ATP6V0C: variants seen among roughly 807,000 people sequenced by gnomAD.
ATP6V0C encodes ATPase H+ transporting V0 subunit c.
Under a neutral mutation model 10.6 loss-of-function variants are expected in ATP6V0C, and 2 were observed. The ratio of observed to expected loss-of-function variants is 0.19; its 90% CI spans 0.08 to 0.59. The LOEUF is 0.59. Ranked by LOEUF, ATP6V0C falls within the 20% of genes least tolerant of loss-of-function variation. The pLI, the probability that ATP6V0C is intolerant of heterozygous loss-of-function variation, is 0.90. For missense variants in ATP6V0C, 89 were observed against 225.9 expected, an observed-to-expected ratio of 0.39 and a Z score of 3.88; for synonymous variants, 128 against 101.3, an observed-to-expected ratio of 1.26 and a Z score of -1.59.
rs769246919 is a variant in ATP6V0C at position 2,519,748 on chromosome 16, C to T, written c.*3C>T. Reference sequence around the variant, plus strand: ...CCCTCATCCTCTCCACAAAGTAGACCCTCTCCGAGCCCACCAGCCACAGAA... The same window carrying T: ...CCCTCATCCTCTCCACAAAGTAGACTCTCTCCGAGCCCACCAGCCACAGAA... On this transcript the variant is annotated 3_prime_UTR_variant, in exon 3 of 3. Coordinates refer to ENST00000330398, the MANE Select transcript of ATP6V0C (RefSeq NM_001694.4). 3.1e-6 allele frequency: 5 copies of T among 1,590,214 alleles called. No individual in the cohort carries two copies. The highest frequency in any genetic ancestry group is 2.2e-5 in the South Asian group (2 of 89,862).
At position 2,513,997 on chromosome 16, in the gene ATP6V0C, T is replaced by C. The variant is rs1377976331; in HGVS notation, c.-107T>C. 4 of 1,004,936 alleles carry C rather than the reference T, an allele frequency of 4.0e-6. No homozygotes were observed. The highest frequency in any genetic ancestry group is 5.8e-6 in the Non-Finnish European group (4 of 694,466). The allele number at this position is 1,004,936 out of a possible 1,614,324, so 62.3% of individuals were successfully genotyped here. ...AGAGCGCAGCGGCTGACGGGCCGGATCGCCTTCGCCGCCGCCCGCCCGCAA... is the reference window on the plus strand; with the variant it reads ...AGAGCGCAGCGGCTGACGGGCCGGACCGCCTTCGCCGCCGCCCGCCCGCAA... On this transcript the variant is annotated 5_prime_UTR_variant, in exon 1 of 3. Transcript: ENST00000330398.
In ATP6V0C at chr16:2,519,652, C is replaced by G. The variant is rs2065898468; in HGVS notation, c.375C>G (p.Pro125=). Residue 125 remains proline (P), a synonymous_variant, in exon 3 of 3, where the codon CCC becomes CCG. Transcript: ENST00000330398. ...GCGTGCGGGGCACCGCCCAGCAGCC[C>G]CGACTATTCGTGGGCATGATCCTGA... ...DAGVRGTAQQ[P]RLFVGMILIL... is the part of the protein sequence containing the mutation. The G allele has an allele frequency of 1.9e-6, 3 of 1,611,634 alleles. No homozygotes were observed. The highest frequency in any genetic ancestry group is 2.5e-6 in the Non-Finnish European group (3 of 1,178,214).
chr16:2,520,014 C>A lies in ATP6V0C; in HGVS notation c.*269C>A, dbSNP rs991943170. The A allele has an allele frequency of 4.4e-6, 3 of 684,522 alleles. No homozygotes were observed. In the South Asian group the frequency reaches 4.5e-5, roughly 10 times the overall value. 42.4% of individuals were successfully genotyped at this position (684,522 alleles called of 1,614,324 possible). On this transcript the variant is annotated 3_prime_UTR_variant, in exon 3 of 3. Transcript: ENST00000330398. ...GTGTATGCGGATGATTTAGAATTGTCATTTCTCTTTACTGGATGTTTATTT... is the reference window on the plus strand; with the variant it reads ...GTGTATGCGGATGATTTAGAATTGTAATTTCTCTTTACTGGATGTTTATTT...
At chr16:2,515,825 T>C (rs996724341) in intron 1 of ATP6V0C, among the ~76,000 whole-genome samples, 1 of 152,220 alleles carries the variant, frequency 6.6e-6, no homozygotes, top group Non-Finnish European at 1.5e-5. Context: ...TCCCCGCCCA[T>C]GTGGAACTTA....
chr16:2,516,467 C>T (rs1393352241), intron 1 of ATP6V0C, among the ~76,000 whole-genome samples: 1 of 152,198 alleles, frequency 6.6e-6, no homozygotes, highest in African/African-American at 2.4e-5. Flanking sequence ...GACCTGGCTT[C>T]ACCTGCTGTG....
At chr16:2,514,358 C>T (rs2141888817) in intron 1 of ATP6V0C, 176 bp downstream of exon 1, 2 of 506,330 alleles carry the variant, frequency 3.9e-6, no homozygotes, top group African/African-American at 2.1e-5. Context: ...GGGGAGCCGC[C>T]GGGGGTCCGG....
chr16:2,514,004 C>T lies in ATP6V0C; in HGVS notation c.-100C>T, dbSNP rs1196972121. On this transcript the variant is annotated 5_prime_UTR_variant, in exon 1 of 3. Coordinates refer to ENST00000330398, the MANE Select transcript of ATP6V0C (RefSeq NM_001694.4). ...AGCGGCTGACGGGCCGGATCGCCTTCGCCGCCGCCCGCCCGCAAACCTTCG... is the reference window on the plus strand; with the variant it reads ...AGCGGCTGACGGGCCGGATCGCCTTTGCCGCCGCCCGCCCGCAAACCTTCG... 6.2e-6 allele frequency: 7 copies of T among 1,132,518 alleles called. No individual in the cohort carries two copies. The highest frequency in any genetic ancestry group is 5.3e-5 in the Admixed American group (2 of 37,804). The allele number at this position is 1,132,518 out of a possible 1,614,324, so 70.2% of individuals were successfully genotyped here. A position where few individuals can be genotyped will look rare whatever the true frequency, so the allele number is the denominator to read the frequency against.
Position 2,517,725 on chromosome 16 carries a change from G to GTGTA in ATP6V0C, c.80-1490_80-1489insATGT, listed in dbSNP as rs2065884173. The GTGTA allele has an allele frequency of 2.7e-5, 4 of 149,620 alleles. No homozygotes were observed. The South Asian group carries it at 8.3e-4, about 31-fold the overall frequency. The allele number at this position is 149,620 out of a possible 1,614,324, so 9.3% of individuals were successfully genotyped here. ...CAGGTCAGGCTGTTTGTGTGTGTGT[G>GTGTA]TGTGTGTGTGTGTGTGTGTGTGTGT... is the stretch of plus-strand genomic sequence containing the variant. On this transcript the variant is annotated intron_variant, in intron 1 of 2. Coordinates refer to ENST00000330398, the MANE Select transcript of ATP6V0C (RefSeq NM_001694.4).
chr16:2,515,180 A>C (rs999796883), intron 1 of ATP6V0C, among the ~76,000 whole-genome samples: 4 of 151,852 alleles, frequency 2.6e-5, no homozygotes, highest in African/African-American at 9.7e-5. Context: ...ATTTAGTGAC[A>C]ATTGGTCTCC....
chr16:2,517,513 A>AC (rs1467215355), intron 1 of ATP6V0C: 3 of 151,476 alleles, frequency 2.0e-5, no homozygotes, highest in Non-Finnish European at 4.4e-5. Context: ...CTTCCCCAGC[A>AC]CCCCCTTCTC....
At chr16:2,513,830 A>C, upstream of ATP6V0C, 2 of 232,524 alleles carry the variant, frequency 8.6e-6, no homozygotes, top group Non-Finnish European at 8.3e-6. Context: ...CGGGCGGCAC[A>C]GCCCGGGGGA....
At chr16:2,514,248 C>G (rs2065865476) in intron 1 of ATP6V0C, 66 bp downstream of exon 1, 9 of 1,461,958 alleles carry the variant, frequency 6.2e-6, no homozygotes, top group Non-Finnish European at 8.2e-6. Context: ...CGCAGCTCGC[C>G]GGGGTCCGGT....
Position 2,520,191 on chromosome 16 carries a change from C to A in ATP6V0C, c.*446C>A. The stretch of plus-strand genomic sequence containing the variant: ...GCCGGGCCCGTGGCCCTGCGCGGAG[C>A]TGTGTCCAATAAAGTTCTTGGATGT... On this transcript the variant is annotated 3_prime_UTR_variant, in exon 3 of 3. Coordinates refer to ENST00000330398, the MANE Select transcript of ATP6V0C (RefSeq NM_001694.4). 2.0e-6 allele frequency: 1 copy of A among 495,006 alleles called. No homozygotes were observed. Among genetic ancestry groups the A allele is most frequent in the Non-Finnish European group, 3.7e-6 (1 of 272,174 alleles). 30.7% of individuals were successfully genotyped at this position (495,006 alleles called of 1,614,324 possible). A position where few individuals can be genotyped will look rare whatever the true frequency, so the allele number is the denominator to read the frequency against.
intron 1 of ATP6V0C, among the ~76,000 whole-genome samples, chr16:2,516,363 C>T (rs757404222): frequency 2.0e-5 from 3 of 152,176 alleles, no homozygotes; most frequent in Non-Finnish European, 4.4e-5. Context: ...CCACCTGCTT[C>T]TGCCTCGTAA....
intron 1 of ATP6V0C, 118 bp from the exon 2 acceptor site, chr16:2,519,100 C>T (rs2065893707): frequency 6.6e-6 from 8 of 1,219,792 alleles, no homozygotes; most frequent in South Asian, 4.9e-5. Context: ...TCTTCGGCTC[C>T]CCCTCTGCAT....
chr16:2,516,097 CTTTTTTTT>C (rs11367350), intron 1 of ATP6V0C, among the ~76,000 whole-genome samples: 42 of 125,028 alleles, frequency 3.4e-4, no homozygotes, highest in African/African-American at 1.4e-3. Flanking sequence ...CAGACAACTG[CTTTTTTTT>C]TTTTTTTTTT....
At position 2,514,298 on chromosome 16, in the gene ATP6V0C, C is replaced by T. The variant is rs1311610443; in HGVS notation, c.79+116C>T. On this transcript the variant is annotated intron_variant, in intron 1 of 2. Coordinates refer to ENST00000330398, the MANE Select transcript of ATP6V0C (RefSeq NM_001694.4). The stretch of plus-strand genomic sequence containing the variant: ...TGACGTAATCCCGAGCTGTCGGGGG[C>T]GCCCGGGCCTCGTGTGACAGCGGGC... The T allele has an allele frequency of 8.6e-6, 10 of 1,167,554 alleles. No individual in the cohort carries two copies. The Admixed American group carries it at 1.4e-4, about 17-fold the overall frequency. The allele number at this position is 1,167,554 out of a possible 1,614,324, so 72.3% of individuals were successfully genotyped here.
intron 1 of ATP6V0C, among the ~76,000 whole-genome samples, chr16:2,515,036 A>G (rs560904022): frequency 6.6e-5 from 10 of 151,808 alleles, no homozygotes; most frequent in Non-Finnish European, 1.3e-4. Flanking sequence ...TGGAGGGGTG[A>G]ATGAATGACC....
chr16:2,519,595 C>A lies in ATP6V0C; in HGVS notation c.318C>A (p.Ala106=). 6.3e-7 allele frequency: 1 copy of A among 1,587,290 alleles called. No individual in the cohort carries two copies. The highest frequency in any genetic ancestry group is 1.1e-5 in the South Asian group (1 of 89,326). Residue 106 remains alanine (A), a synonymous_variant, in exon 3 of 3, where the codon GCC becomes GCA. Transcript: ENST00000330398. ...GLSVGLSGLA[A]GFAIGIVGDA... is the part of the protein sequence containing the mutation. ...GCGTGGGCCTGAGCGGCCTGGCAGC[C>A]GGCTTTGCCATCGGCATCGTGGGGG...
Sources: allele counts gnomAD v4.1 joint callset (sites outside exome capture counted in the v4.1 genomes callset), GRCh38; gene constraint gnomAD v4.1.1; transcripts MANE v1.5; gene names NCBI Gene and HGNC (gene_info 2026-07-23, HGNC 2026-07-21).